Variants in STPG2 observed in about 807,000 individuals in gnomAD.
STPG2 encodes the protein sperm-tail PG-rich repeat-containing protein 2.
A neutral mutation model predicts 54.2 loss-of-function variants in STPG2; 56 were observed. That is an observed-to-expected ratio of 1.03 (90% CI 0.83 to 1.29). The LOEUF (loss-of-function observed/expected upper bound fraction) is 1.29. Ranked by LOEUF, STPG2 falls within the 50% of genes most tolerant of loss-of-function variation. The probability of loss-of-function intolerance (pLI) is 0.00; values close to 1 mark genes in which losing one functional copy is unlikely to be tolerated. For missense variants in STPG2, 596 were observed against 544.9 expected (o/e 1.09, Z -0.93); for synonymous variants, 200 against 181.8 (o/e 1.10, Z -0.81).
intron 7 of STPG2, among the ~76,000 whole-genome samples, chr4:97,971,348 C>T (rs1449552509): frequency 1.3e-5 from 2 of 152,186 alleles, no homozygotes; most frequent in Non-Finnish European, 2.9e-5. Flanking sequence ...AAGACACATG[C>T]ACACATATGT....
At chr4:97,707,576 C>T (rs1436928269) in intron 10 of STPG2, among the ~76,000 whole-genome samples, 1 of 151,690 alleles carries the variant, frequency 6.6e-6, no homozygotes, top group Non-Finnish European at 1.5e-5. Context: ...GGGGGAAGTA[C>T]TAGAGATTTT....
chr4:97,775,509 G>A (rs1475508494), intron 9 of STPG2, among the ~76,000 whole-genome samples: 1 of 152,108 alleles, frequency 6.6e-6, no homozygotes, highest in Non-Finnish European at 1.5e-5. Context: ...ACTACACTTG[G>A]TTACTGAATG....
chr4:97,839,832 T>A (rs1728743090), intron 9 of STPG2, among the ~76,000 whole-genome samples: 1 of 151,814 alleles, frequency 6.6e-6, no homozygotes, highest in Non-Finnish European at 1.5e-5. Context: ...CCTGTTTTAG[T>A]TTTTCATTAA....
intron 10 of STPG2, among the ~76,000 whole-genome samples, chr4:97,589,367 T>C (rs1342386160): frequency 6.6e-6 from 1 of 152,100 alleles, no homozygotes; most frequent in Non-Finnish European, 1.5e-5. Flanking sequence ...AACATCTTTG[T>C]AGTTTTGTGA....
At chr4:97,762,018 GA>G (rs1024570900) in intron 9 of STPG2, among the ~76,000 whole-genome samples, 7 of 151,172 alleles carry the variant, frequency 4.6e-5, no homozygotes, top group Admixed American at 1.3e-4. Flanking sequence ...AGTGAACTGG[GA>G]AAAAAAAATC....
chr4:97,862,726 C>T (rs1210988704), intron 8 of STPG2, among the ~76,000 whole-genome samples: 1 of 152,106 alleles, frequency 6.6e-6, no homozygotes, highest in Non-Finnish European at 1.5e-5. Context: ...TGTAAAAGTA[C>T]AGAAATTATA....
chr4:97,535,844 G>A (rs756694332), intron 4 of STPG2, among the ~76,000 whole-genome samples: 7 of 152,064 alleles, frequency 4.6e-5, no homozygotes, highest in Non-Finnish European at 1.0e-4. Flanking sequence ...TTTTCCATCT[G>A]AGGCTATAGT....
chr4:97,515,297 T>C (rs1731053028), intron 4 of STPG2, among the ~76,000 whole-genome samples: 1 of 152,118 alleles, frequency 6.6e-6, no homozygotes, highest in African/African-American at 2.4e-5. Flanking sequence ...TAGGGTCTTG[T>C]ATTCAGAAAT....
intron 9 of STPG2, among the ~76,000 whole-genome samples, chr4:97,739,422 G>C (rs547516360): frequency 2.0e-5 from 3 of 152,236 alleles, no homozygotes; most frequent in Admixed American, 1.3e-4. Context: ...AATGAATCCA[G>C]GAGCTGGTTT....
intron 8 of STPG2, among the ~76,000 whole-genome samples, chr4:97,849,855 C>T (rs1729093909): frequency 6.6e-6 from 1 of 152,096 alleles, no homozygotes; most frequent in Non-Finnish European, 1.5e-5. Context: ...TTGTGGAAGT[C>T]AGTGTGGCGA....
At chr4:97,845,033 TTCTATTA>T (rs1303416880) in intron 8 of STPG2, among the ~76,000 whole-genome samples, 3 of 152,038 alleles carry the variant, frequency 2.0e-5, no homozygotes, top group African/African-American at 7.2e-5. Context: ...CTTTGCTTGC[TTCTATTA>T]TCTATTAAGA....
At chr4:97,448,200 T>C (rs1169493050) in intron 4 of STPG2, among the ~76,000 whole-genome samples, 1 of 152,186 alleles carries the variant, frequency 6.6e-6, no homozygotes, top group Non-Finnish European at 1.5e-5. Flanking sequence ...TAACTTGCTT[T>C]TGATTTCACA....
intron 8 of STPG2, among the ~76,000 whole-genome samples, chr4:97,932,397 C>T (rs1363391876): frequency 1.3e-5 from 2 of 152,134 alleles, no homozygotes; most frequent in Middle Eastern, 3.4e-3. Context: ...GACACATTTG[C>T]AGAACATGCT....
At position 97,736,278 on chromosome 4, in the gene STPG2, C is replaced by T. The variant is rs983619294; in HGVS notation, c.1205-23464G>A. On this transcript the variant is annotated intron_variant, in intron 9 of 10. Transcript: ENST00000295268. ...TCCAGTCTACAGCTACCAGTGTGAG[C>T]GACGCAGAAGATGGGTGATTTCTGC... 7.2e-5 allele frequency among the ~76,000 whole-genome samples: 11 copies of T among 152,272 alleles called. No individual in the cohort carries two copies. The East Asian group carries it at 1.4e-3, about 19-fold the overall frequency.
At chr4:97,705,558 T>G (rs939345685) in intron 10 of STPG2, among the ~76,000 whole-genome samples, 1 of 151,996 alleles carries the variant, frequency 6.6e-6, no homozygotes, top group Non-Finnish European at 1.5e-5. Context: ...ACTCTGGACC[T>G]CCGATGAGTT....
intron 5 of STPG2, chr4:98,026,020 A>T (rs1736407975): frequency 7.7e-6 from 8 of 1,034,174 alleles, no homozygotes; most frequent in Non-Finnish European, 1.2e-5. Flanking sequence ...ATTACATGTA[A>T]GATGAAGATA....
intron 9 of STPG2, among the ~76,000 whole-genome samples, chr4:97,736,539 G>A (rs1183511260): frequency 1.3e-5 from 2 of 152,104 alleles, no homozygotes; most frequent in Non-Finnish European, 2.9e-5. Context: ...CTTAAAAAAC[G>A]GCACACCAGG....
At chr4:97,859,755 T>C (rs7699254) in intron 8 of STPG2, among the ~76,000 whole-genome samples, 2,598 of 152,296 alleles carry the variant, frequency 0.017, 75 homozygotes, top group African/African-American at 0.059. Context: ...ATTATATGCC[T>C]GGCCTGCATT....
At chr4:97,602,665 T>C (rs1051385087) in intron 10 of STPG2, among the ~76,000 whole-genome samples, 2 of 151,768 alleles carry the variant, frequency 1.3e-5, no homozygotes, top group African/African-American at 2.4e-5. Context: ...CTTTTTGTCA[T>C]GGTTTTTTGG....
Sources: allele counts gnomAD v4.1 joint callset (sites outside exome capture counted in the v4.1 genomes callset), GRCh38; gene constraint gnomAD v4.1.1; transcripts MANE v1.5; gene names NCBI Gene and HGNC (gene_info 2026-07-23, HGNC 2026-07-21).